The following DNAAF9 variants were observed in gnomAD, a reference collection of about 807,000 sequenced individuals.
The protein encoded by DNAAF9 is shulin.
A neutral mutation model predicts 167.0 loss-of-function variants in DNAAF9; 90 were observed. The observed-to-expected ratio is 0.54, with a 90% CI of 0.45 to 0.64. The LOEUF (loss-of-function observed/expected upper bound fraction) is 0.64. Ranked by LOEUF, DNAAF9 falls within the 30% of genes least tolerant of loss-of-function variation. The probability of loss-of-function intolerance (pLI) is 0.00; values close to 1 mark genes in which losing one functional copy is unlikely to be tolerated. For synonymous variants in DNAAF9, 491 were observed against 508.8 expected (o/e 0.96, Z 0.47); for missense variants, 1,315 against 1,442.2 (o/e 0.91, Z 1.43).
At chr20:3,361,774 C>T (rs2083368243) in intron 6 of DNAAF9, 1 of 1,049,376 alleles carries the variant, frequency 9.5e-7, no homozygotes, top group Admixed American at 2.7e-5. Context: ...CTTTCCAGTA[C>T]TCTGAGGTCT....
chr20:3,320,167 T>C (rs1256608534), intron 16 of DNAAF9, among the ~76,000 whole-genome samples: 1 of 152,218 alleles, frequency 6.6e-6, no homozygotes, highest in Non-Finnish European at 1.5e-5. Flanking sequence ...AGGAAATCTA[T>C]AATGTATAGC....
chr20:3,350,156 G>GACACACAC (rs35251429), intron 7 of DNAAF9, among the ~76,000 whole-genome samples: 17 of 89,938 alleles, frequency 1.9e-4, no homozygotes, highest in East Asian at 8.1e-4. Flanking sequence ...CAGACACACA[G>GACACACAC]ACACACACAC....
intron 29 of DNAAF9, among the ~76,000 whole-genome samples, chr20:3,272,409 TA>T (rs1293439729): frequency 6.6e-6 from 1 of 152,110 alleles, no homozygotes; most frequent in African/African-American, 2.4e-5. Flanking sequence ...TTATTTTTTT[TA>T]GACACTGGGT....
rs8121174 is a variant in DNAAF9 at position 3,263,745 on chromosome 20, C to T, written c.2873+693G>A. Among the ~76,000 whole-genome samples the T allele has an allele frequency of 2.9e-3, 445 of 152,300 alleles. 2 individuals are homozygous for T. Among genetic ancestry groups the T allele is most frequent in the Non-Finnish European group, 4.4e-3 (297 of 68,026 alleles). Reference sequence around the variant, plus strand: ...TCTGCACTGTTGGACACGGTAGCTGCCAGCCACAGGAAGCTATGAAGCACT... The same window carrying T: ...TCTGCACTGTTGGACACGGTAGCTGTCAGCCACAGGAAGCTATGAAGCACT... On this transcript the variant is annotated intron_variant, in intron 31 of 36. Coordinates refer to ENST00000252032, the MANE Select transcript of DNAAF9 (RefSeq NM_001009984.3).
At chr20:3,376,035 T>G in intron 4 of DNAAF9, 143 bp downstream of exon 4, 1 of 758,312 alleles carries the variant, frequency 1.3e-6, no homozygotes, top group Non-Finnish European at 2.0e-6. Context: ...AAACGAAATA[T>G]GAAATTCTCC....
intron 23 of DNAAF9, chr20:3,295,597 T>C (rs2122943187): frequency 2.5e-6 from 1 of 398,582 alleles, no homozygotes; most frequent in South Asian, 2.0e-5. Flanking sequence ...GTCACAGGAC[T>C]GGGGCAATCC....
At chr20:3,324,214 C>T (rs545409674) in intron 14 of DNAAF9, among the ~76,000 whole-genome samples, 41 of 152,238 alleles carry the variant, frequency 2.7e-4, no homozygotes, top group Non-Finnish European at 5.7e-4. Context: ...TTACACAGGA[C>T]TATAGATTTA....
intron 20 of DNAAF9, chr20:3,306,846 A>C: frequency 1.1e-6 from 1 of 947,468 alleles, no homozygotes; most frequent in Non-Finnish European, 1.3e-6. Flanking sequence ...CTAAAACCAC[A>C]ACCCCACCAA....
intron 7 of DNAAF9, among the ~76,000 whole-genome samples, chr20:3,355,347 G>A (rs2083269659): frequency 6.6e-6 from 1 of 152,226 alleles, no homozygotes; most frequent in African/African-American, 2.4e-5. Flanking sequence ...GGCCGAGGCA[G>A]GCAGATCACC....
chr20:3,312,764 T>A (rs78813645), intron 20 of DNAAF9, among the ~76,000 whole-genome samples: 18 of 152,200 alleles, frequency 1.2e-4, no homozygotes, highest in Admixed American at 6.5e-5. Context: ...AAAACCTACA[T>A]CAGCTCCTGA....
At chr20:3,344,091 A>G (rs758991412) in intron 8 of DNAAF9, among the ~76,000 whole-genome samples, 1 of 152,328 alleles carries the variant, frequency 6.6e-6, no homozygotes, top group Admixed American at 6.5e-5. Context: ...AATTGGACCA[A>G]TCACCATCTA....
Position 3,259,464 on chromosome 20 carries a change from C to T in DNAAF9, c.3055+16G>A, listed in dbSNP as rs764096952. On this transcript the variant is annotated intron_variant, in intron 33 of 36. Coordinates refer to ENST00000252032, the MANE Select transcript of DNAAF9 (RefSeq NM_001009984.3). ...ACTCCATGGTGTAGAGCTCCCAAATCCCAGCCCCTGGTTACCTGAAAACTT... is the reference window on the plus strand; with the variant it reads ...ACTCCATGGTGTAGAGCTCCCAAATTCCAGCCCCTGGTTACCTGAAAACTT... 6.5e-7 allele frequency: 1 copy of T among 1,541,182 alleles called. No homozygotes were observed. Among genetic ancestry groups the T allele is most frequent in the Non-Finnish European group, 8.9e-7 (1 of 1,117,870 alleles).
At chr20:3,394,490 T>C (rs1042106728) in intron 1 of DNAAF9, among the ~76,000 whole-genome samples, 1 of 152,226 alleles carries the variant, frequency 6.6e-6, no homozygotes. Flanking sequence ...TTAAGGGTTT[T>C]ATGTCTTCCT....
intron 14 of DNAAF9, among the ~76,000 whole-genome samples, chr20:3,324,670 C>T (rs1267894526): frequency 1.3e-5 from 2 of 152,194 alleles, no homozygotes; most frequent in African/African-American, 4.8e-5. Flanking sequence ...GCCCTGCATT[C>T]TAACCTCAGA....
At chr20:3,365,189 G>C (rs1021526641) in intron 6 of DNAAF9, among the ~76,000 whole-genome samples, 8 of 151,950 alleles carry the variant, frequency 5.3e-5, no homozygotes, top group Non-Finnish European at 1.2e-4. Context: ...TGCTCAGACT[G>C]ATCTTGAACT....
Position 3,375,027 on chromosome 20 carries a change from C to G in DNAAF9, c.505+3G>C, listed in dbSNP as rs1397016956. 6.5e-7 allele frequency: 1 copy of G among 1,531,772 alleles called. No individual in the cohort carries two copies. The highest frequency in any genetic ancestry group is 9.0e-7 in the Non-Finnish European group (1 of 1,105,526). The allele number at this position is 1,531,772 out of a possible 1,614,324, so 94.9% of individuals were successfully genotyped here. ...TCTAGAAGGCTTGCTGTCAGATACT[C>G]ACCTTGGGAGCTGTAAGGAATGCCA... On this transcript the variant is annotated splice_donor_region_variant and intron_variant, in intron 5 of 36. Coordinates refer to ENST00000252032, the MANE Select transcript of DNAAF9 (RefSeq NM_001009984.3).
At chr20:3,299,597 C>G (rs539377110) in intron 21 of DNAAF9, among the ~76,000 whole-genome samples, 1 of 152,312 alleles carries the variant, frequency 6.6e-6, no homozygotes, top group African/African-American at 2.4e-5. Flanking sequence ...CAGGCGTGAG[C>G]CACCGCACCC....
At chr20:3,366,404 G>T (rs1220620380) in intron 6 of DNAAF9, among the ~76,000 whole-genome samples, 1 of 152,030 alleles carries the variant, frequency 6.6e-6, no homozygotes, top group Admixed American at 6.6e-5. Context: ...CTCAATAGTG[G>T]GCTTAAAATA....
At chr20:3,274,401 C>T (rs1171829097) in intron 29 of DNAAF9, among the ~76,000 whole-genome samples, 2 of 152,156 alleles carry the variant, frequency 1.3e-5, no homozygotes, top group African/African-American at 2.4e-5. Context: ...CCTTGGCCTC[C>T]CAAAGTGCTG....
Sources: allele counts gnomAD v4.1 joint callset (sites outside exome capture counted in the v4.1 genomes callset), GRCh38; gene constraint gnomAD v4.1.1; transcripts MANE v1.5; gene names NCBI Gene and HGNC (gene_info 2026-07-23, HGNC 2026-07-21).